The following CLMN variants were observed in gnomAD, a reference collection of about 807,000 sequenced individuals.
CLMN encodes calmin.
CLMN carries 57 observed loss-of-function variants against 92.7 expected under a neutral mutation model. The ratio of observed to expected loss-of-function variants is 0.61; its 90% CI spans 0.50 to 0.77. CLMN has a LOEUF of 0.77. Among genes scored for constraint, CLMN ranks in the 30% least tolerant of loss-of-function variants. CLMN has a pLI of 0.00. For missense variants in CLMN, 1,158 were observed against 1,237.5 expected, an observed-to-expected ratio of 0.94 and a Z score of 0.96; for synonymous variants, 466 against 470.6, an observed-to-expected ratio of 0.99 and a Z score of 0.13.
At chr14:95,245,782 G>A (rs916804055) in intron 1 of CLMN, among the ~76,000 whole-genome samples, 2 of 149,144 alleles carry the variant, frequency 1.3e-5, no homozygotes, top group African/African-American at 5.0e-5. Flanking sequence ...ATAGGTGGGT[G>A]GGTGGTTGGA....
At chr14:95,295,669 G>A (rs551218030) in intron 1 of CLMN, among the ~76,000 whole-genome samples, 17 of 152,222 alleles carry the variant, frequency 1.1e-4, no homozygotes, top group African/African-American at 2.4e-4. Context: ...GGAGAGGCCC[G>A]TTGGGACAAA....
At chr14:95,225,576 C>A (rs1897685409) in intron 2 of CLMN, among the ~76,000 whole-genome samples, 1 of 152,242 alleles carries the variant, frequency 6.6e-6, no homozygotes, top group South Asian at 2.1e-4. Context: ...GGGTGTATGC[C>A]TTGTGGCCAT....
At chr14:95,205,239 A>T (rs1345043268) in intron 8 of CLMN, among the ~76,000 whole-genome samples, 3 of 152,238 alleles carry the variant, frequency 2.0e-5, no homozygotes, top group African/African-American at 7.2e-5. Context: ...AGGGAAAAAA[A>T]TGACATCTGC....
intron 5 of CLMN, among the ~76,000 whole-genome samples, chr14:95,214,417 A>T (rs1897276738): frequency 1.4e-5 from 2 of 138,644 alleles, no homozygotes; most frequent in African/African-American, 5.5e-5. Context: ...TGGCATGATC[A>T]TGTCTCACTA....
intron 1 of CLMN, among the ~76,000 whole-genome samples, chr14:95,249,538 C>A (rs1898700835): frequency 1.3e-5 from 2 of 152,108 alleles, no homozygotes; most frequent in African/African-American, 4.8e-5. Context: ...GTTGCCTCCC[C>A]AATATCCATT....
At chr14:95,271,523 T>A (rs1371691456) in intron 1 of CLMN, among the ~76,000 whole-genome samples, 1 of 152,150 alleles carries the variant, frequency 6.6e-6, no homozygotes, top group Admixed American at 6.5e-5. Context: ...CAAATGATGA[T>A]CACAGAATGA....
Position 95,194,265 on chromosome 14 carries a change from GC to G in CLMN, c.2769+270del, listed in dbSNP as rs3831267. ...CTGAACGTGATCCTTCTGGGTGCGCGCGGGGTCCAGGTGAGGCGTTTTGGGT... is the reference window on the plus strand; with the variant it reads ...CTGAACGTGATCCTTCTGGGTGCGCGGGGGTCCAGGTGAGGCGTTTTGGGT... On this transcript the variant is annotated intron_variant, in intron 11 of 12. Transcript: ENST00000298912. This position sits in a 1 kb window ranked among gnomAD's most constrained non-coding sequence, Gnocchi z 4.0. The G allele has an allele frequency of 3.6e-3, 5,054 of 1,396,022 alleles. 160 individuals carry two copies. In the African/African-American group the frequency reaches 0.064, roughly 18 times the overall value. The allele number at this position is 1,396,022 out of a possible 1,614,324, so 86.5% of individuals were successfully genotyped here. A position where few individuals can be genotyped will look rare whatever the true frequency, so the allele number is the denominator to read the frequency against.
rs370938190 is a variant in CLMN at position 95,202,853 on chromosome 14, G to A, written c.2496C>T (p.Pro832=). 17 of 1,535,494 alleles carry A rather than the reference G, an allele frequency of 1.1e-5. No individual in the cohort carries two copies. In the African/African-American group the frequency reaches 2.4e-4, roughly 21 times the overall value. ...HQQRETKEND[P]MDSHQSQESP... ...GGTTGAGTACCTGATGGCTGTCCAT[G>A]GGGTCATTCTCTTTGGTCTCCCTTT... The change falls in exon 9 of 13, where the codon CCC becomes CCT. Residue 832 remains proline, a synonymous_variant. Transcript: ENST00000298912.
intron 1 of CLMN, chr14:95,260,477 A>G (rs1899207714): frequency 6.6e-6 from 1 of 152,108 alleles, no homozygotes; most frequent in South Asian, 2.1e-4. Context: ...CAAACAAATT[A>G]CTGAATAAAA....
chr14:95,308,200 A>C (rs1399807892), intron 1 of CLMN, among the ~76,000 whole-genome samples: 1 of 152,216 alleles, frequency 6.6e-6, no homozygotes, highest in Admixed American at 6.5e-5. Flanking sequence ...GTCAGCCTTT[A>C]CTTTGTTAGT....
chr14:95,245,184 ATATATATATAATATAT>A lies in CLMN; in HGVS notation c.83-15067_83-15052del, dbSNP rs1359075971. On this transcript the variant is annotated intron_variant, in intron 1 of 12. Coordinates refer to ENST00000298912, the MANE Select transcript of CLMN (RefSeq NM_024734.4). ...CTGTAACTGGTTATATTATATATATATATATATATAATATATATATATATTATATATATATATATAT... is the reference window on the plus strand; with the variant it reads ...CTGTAACTGGTTATATTATATATATAATATATATTATATATATATATATAT... Among the ~76,000 whole-genome samples, 4 of 42,568 alleles carry A rather than the reference ATATATATATAATATAT, an allele frequency of 9.4e-5. 1 individual carries two copies. The Admixed American group carries it at 1.6e-3, about 17-fold the overall frequency. The allele number at this position is 42,568 out of a possible 152,430, so 27.9% of individuals were successfully genotyped here. A position where few individuals can be genotyped will look rare whatever the true frequency, so the allele number is the denominator to read the frequency against.
At chr14:95,213,697 C>G (rs1897256297) in intron 5 of CLMN, among the ~76,000 whole-genome samples, 1 of 152,086 alleles carries the variant, frequency 6.6e-6, no homozygotes, top group Non-Finnish European at 1.5e-5. Context: ...CCAGGTCTTC[C>G]TGACCCAACT....
At chr14:95,231,619 C>G (rs1437170379) in intron 1 of CLMN, among the ~76,000 whole-genome samples, 2 of 152,298 alleles carry the variant, frequency 1.3e-5, no homozygotes, top group Middle Eastern at 3.4e-3. Flanking sequence ...TTACAACACC[C>G]CTGCAAAGTA....
chr14:95,252,307 G>A (rs184506000), intron 1 of CLMN, among the ~76,000 whole-genome samples: 25 of 152,298 alleles, frequency 1.6e-4, no homozygotes, highest in Non-Finnish European at 2.9e-4. Context: ...GTCCCCATAC[G>A]GAAAGTGGGG....
Position 95,185,333 on chromosome 14 carries a change from C to T in CLMN, c.*6231G>A, listed in dbSNP as rs1186568817. The T allele has an allele frequency of 7.2e-5, 11 of 152,224 alleles. No homozygotes were observed. The highest frequency in any genetic ancestry group is 7.2e-4 in the Admixed American group (11 of 15,274). 9.4% of individuals were successfully genotyped at this position (152,224 alleles called of 1,614,324 possible). A position where few individuals can be genotyped will look rare whatever the true frequency, so the allele number is the denominator to read the frequency against. On this transcript the variant is annotated 3_prime_UTR_variant, in exon 13 of 13. Coordinates refer to ENST00000298912, the MANE Select transcript of CLMN (RefSeq NM_024734.4). ...GCTTGTGTCTCATGTTTGGTTCTCCCACGCTGGCTGTTAGGGGAAAAGAGC... is the reference window on the plus strand; with the variant it reads ...GCTTGTGTCTCATGTTTGGTTCTCCTACGCTGGCTGTTAGGGGAAAAGAGC...
rs147549843 is a variant in CLMN, at chr14:95,197,701, C to T, written c.2512-1007G>A. Among the ~76,000 whole-genome samples the T allele has an allele frequency of 1.6e-3, 244 of 152,304 alleles. 1 individual carries two copies. The highest frequency in any genetic ancestry group is 5.4e-3 in the African/African-American group (226 of 41,568). ...TGTCTGCACCAGGCACTCTGAAACC[C>T]GTCAGCAAGGCTCCCGAGTGAAATG... On this transcript the variant is annotated intron_variant, in intron 9 of 12. Transcript: ENST00000298912.
intron 1 of CLMN, among the ~76,000 whole-genome samples, chr14:95,313,665 A>G (rs889423689): frequency 1.3e-5 from 2 of 151,724 alleles, no homozygotes; most frequent in African/African-American, 4.8e-5. Context: ...GGCATGGGGA[A>G]AGAAAAAAAA....
chr14:95,207,973 C>A (rs924161238), intron 8 of CLMN, among the ~76,000 whole-genome samples: 1 of 152,156 alleles, frequency 6.6e-6, no homozygotes, highest in Admixed American at 6.5e-5. Flanking sequence ...ATGGAGAGGT[C>A]TTTAAGCCTC....
At chr14:95,316,771 T>C (rs1901791948) in intron 1 of CLMN, among the ~76,000 whole-genome samples, 1 of 152,208 alleles carries the variant, frequency 6.6e-6, no homozygotes, top group African/African-American at 2.4e-5. Flanking sequence ...GGTTGTAAGC[T>C]CAGGGCTACC....
Sources: gnomAD v4.1 joint callset for allele counts (sites outside exome capture counted in the v4.1 genomes callset) on GRCh38, gnomAD v4.1.1 for gene constraint, Gnocchi (gnomAD v3.1) non-coding constraint, MANE v1.5 for transcripts, NCBI Gene and HGNC (gene_info 2026-07-23, HGNC 2026-07-21) for gene names.